The following ALDH4A1 variants were observed in gnomAD, a reference collection of about 807,000 sequenced individuals.
ALDH4A1 encodes aldehyde dehydrogenase 4 family member A1.
ALDH4A1 carries 46 observed loss-of-function variants against 70.5 expected under a neutral mutation model. The observed-to-expected ratio is 0.65, with a 90% confidence interval of 0.51 to 0.83. The LOEUF is 0.83. Among genes scored for constraint, ALDH4A1 ranks in the 40% least tolerant of loss-of-function variants. The pLI, the probability that ALDH4A1 is intolerant of heterozygous loss-of-function variation, is 0.00. For synonymous variants in ALDH4A1, 323 were observed against 324.3 expected (o/e 1.00, Z 0.04); for missense variants, 749 against 766.5 (o/e 0.98, Z 0.27).
At chr1:18,893,803 C>T (rs997210657) in intron 1 of ALDH4A1, among the ~76,000 whole-genome samples, 2 of 152,116 alleles carry the variant, frequency 1.3e-5, no homozygotes, top group Non-Finnish European at 2.9e-5. Flanking sequence ...TGTGCCCAGC[C>T]GGTAGCTTAT....
chr1:18,879,742 T>C (rs1016661869), intron 8 of ALDH4A1, among the ~76,000 whole-genome samples: 1 of 152,174 alleles, frequency 6.6e-6, no homozygotes, highest in Non-Finnish European at 1.5e-5. Flanking sequence ...GCTTAAGACA[T>C]GCTGGGCACA....
At position 18,880,287 on chromosome 1, in the gene ALDH4A1, A is replaced by G. The variant is rs1934917452; in HGVS notation, c.867-914T>C. On this transcript the variant is annotated intron_variant, in intron 8 of 14. Coordinates refer to ENST00000375341, the MANE Select transcript of ALDH4A1 (RefSeq NM_003748.4). The surrounding 1 kb of genome is among the most constrained non-coding windows in gnomAD (Gnocchi z 5.1). ...TGCCTCCAGGCATCTCCACCCAGAT[A>G]ACACCCGAAGTGACCAACAGGAGAT... 2.0e-5 allele frequency among the ~76,000 whole-genome samples: 3 copies of G among 152,088 alleles called. No individual in the cohort carries two copies. The South Asian group carries it at 6.2e-4, about 31-fold the overall frequency.
intron 9 of ALDH4A1, 70 bp downstream of exon 9, chr1:18,879,227 CCCT>C: frequency 6.9e-7 from 1 of 1,439,580 alleles, no homozygotes; most frequent in Non-Finnish European, 9.6e-7. Context: ...CCCTCTACCT[CCCT>C]CCTCTTTCAT....
At chr1:18,885,397 G>C in intron 5 of ALDH4A1, 76 bp downstream of exon 5, 1 of 1,433,682 alleles carries the variant, frequency 7.0e-7, no homozygotes, top group Non-Finnish European at 9.4e-7. Flanking sequence ...TTCAGCTGAT[G>C]TCTGCTGCCA....
rs775712414 is a variant in ALDH4A1, at chr1:18,881,789, GA to G, written c.776del (p.Ile259ThrfsTer75). On this transcript the variant is annotated frameshift_variant, in exon 8 of 15. Coordinates refer to ENST00000375341, the MANE Select transcript of ALDH4A1 (RefSeq NM_003748.4). LOFTEE classifies it high-confidence loss of function. Reference protein sequence around the residue: ...LREAGLPPNIIQFVPADGPLF... With the variant: ...LREAGLPPNIXQFVPADGPLF... ...GGGGCCCATCAGCTGGCACAAACTG[GA>G]TGATGTTGGGGGGCAGGCCAGCCTC... 3.7e-6 allele frequency: 6 copies of G among 1,614,070 alleles called. No homozygotes were observed. The highest frequency in any genetic ancestry group is 5.1e-6 in the Non-Finnish European group (6 of 1,180,044).
intron 5 of ALDH4A1, among the ~76,000 whole-genome samples, chr1:18,883,735 T>C (rs763911396): frequency 4.6e-5 from 7 of 152,196 alleles, no homozygotes; most frequent in Non-Finnish European, 1.0e-4. Context: ...TGAATGGTGG[T>C]GCATGGCAAA....
chr1:18,890,609 C>T lies in ALDH4A1; in HGVS notation c.63-504G>A, dbSNP rs76810956. The T allele has an allele frequency of 3.0e-5, 26 of 868,624 alleles. No individual in the cohort carries two copies. In the African/African-American group the frequency reaches 4.0e-4, roughly 13 times the overall value. 53.8% of individuals were successfully genotyped at this position (868,624 alleles called of 1,614,324 possible). On this transcript the variant is annotated intron_variant, in intron 1 of 14. Coordinates refer to ENST00000375341, the MANE Select transcript of ALDH4A1 (RefSeq NM_003748.4). ...ACCCAAGGTTCAAGTCCCAGTCCCACGGTTGTGTGTCCTTGAGCCTGTGAG... is the reference window on the plus strand; with the variant it reads ...ACCCAAGGTTCAAGTCCCAGTCCCATGGTTGTGTGTCCTTGAGCCTGTGAG...
rs78358613 is a variant in ALDH4A1, at chr1:18,888,008, T to C, written c.249+1354A>G. ...AGGGCTGGCAAGATAGTTTATATCGTAATAGCTGACACTTTTGCTACCTAT... is the reference window on the plus strand; with the variant it reads ...AGGGCTGGCAAGATAGTTTATATCGCAATAGCTGACACTTTTGCTACCTAT... On this transcript the variant is annotated intron_variant, in intron 3 of 14. Transcript: ENST00000375341. Among the ~76,000 whole-genome samples, 1,235 of 152,334 alleles carry C rather than the reference T, an allele frequency of 8.1e-3. 28 individuals are homozygous for C. Among genetic ancestry groups the C allele is most frequent in the African/African-American group, 0.028 (1,149 of 41,570 alleles).
intron 1 of ALDH4A1, among the ~76,000 whole-genome samples, chr1:18,894,679 G>A (rs561319538): frequency 1.4e-4 from 22 of 152,250 alleles, no homozygotes; most frequent in Admixed American, 1.2e-3. Context: ...GTGACCTCAG[G>A]ATCACATGCC....
At chr1:18,886,708 A>AAGGGAG (rs1935219283) in intron 3 of ALDH4A1, among the ~76,000 whole-genome samples, 197 bp from the exon 4 acceptor site, 1 of 152,084 alleles carries the variant, frequency 6.6e-6, no homozygotes, top group Non-Finnish European at 1.5e-5. Flanking sequence ...TACCCGCTAT[A>AAGGGAG]CCATGAGTAA....
chr1:18,874,742 G>A (rs1477509545), intron 13 of ALDH4A1, among the ~76,000 whole-genome samples, 161 bp from the exon 14 acceptor site: 1 of 152,226 alleles, frequency 6.6e-6, no homozygotes, highest in Non-Finnish European at 1.5e-5. Flanking sequence ...GTGGGCCTTC[G>A]GTCAGGTTAC....
At chr1:18,877,899 A>G (rs901160919) in intron 9 of ALDH4A1, among the ~76,000 whole-genome samples, 5 of 152,016 alleles carry the variant, frequency 3.3e-5, no homozygotes, top group Middle Eastern at 3.4e-3. Context: ...AACTGAAACT[A>G]CCCAACACAA....
rs71575901 is a variant in ALDH4A1 at position 18,880,023 on chromosome 1, C to CGCTGCTCTG, written c.867-651_867-650insCAGAGCAGC. Among the ~76,000 whole-genome samples the CGCTGCTCTG allele has an allele frequency of 0.25, 38,180 of 151,934 alleles. 5,399 individuals are homozygous for CGCTGCTCTG. Among genetic ancestry groups the CGCTGCTCTG allele is most frequent in the African/African-American group, 0.35 (14,603 of 41,422 alleles). ...TTTATGGCCTTCCCACCTTTAAGCC[C>CGCTGCTCTG]GCTGCTCATCAGAGCGTGGAGAATG... On this transcript the variant is annotated intron_variant, in intron 8 of 14. Transcript: ENST00000375341. The surrounding 1 kb of genome is among the most constrained non-coding windows in gnomAD (Gnocchi z 5.1).
intron 3 of ALDH4A1, among the ~76,000 whole-genome samples, chr1:18,887,662 C>T (rs1360862188): frequency 6.6e-6 from 1 of 152,174 alleles, no homozygotes; most frequent in Admixed American, 6.5e-5. Flanking sequence ...ACCACGATGA[C>T]ATCCCACCGG....
At chr1:18,896,986 C>T (rs1935639192) in intron 1 of ALDH4A1, 5 of 474,226 alleles carry the variant, frequency 1.1e-5, no homozygotes, top group Non-Finnish European at 2.2e-5. Context: ...CAAGCACTTG[C>T]CACCACATGC....
intron 5 of ALDH4A1, 46 bp downstream of exon 5, chr1:18,885,427 T>TACCACCCCCCCCCCCCCC: frequency 3.1e-6 from 2 of 650,922 alleles, no homozygotes; most frequent in Non-Finnish European, 5.4e-6. Context: ...CACACCTGAC[T>TACCACCCCCCCCCCCCCC]CCCACCCCAC....
Position 18,902,493 on chromosome 1 carries a change from C to T in ALDH4A1, c.31G>A (p.Ala11Thr). The T allele has an allele frequency of 2.0e-6, 3 of 1,477,534 alleles. No individual in the cohort carries two copies. The highest frequency in any genetic ancestry group is 1.4e-5 in the African/African-American group (1 of 69,942). The allele number at this position is 1,477,534 out of a possible 1,614,324, so 91.5% of individuals were successfully genotyped here. A position where few individuals can be genotyped will look rare whatever the true frequency, so the allele number is the denominator to read the frequency against. MLLPAPALRR[A>T]LLSRPWTGAG... ...CCGGTCCAGGGGCGGGACAGCAGGGCGCGGCGGAGCGCGGGCGCCGGCAGC... is the reference window on the plus strand; with the variant it reads ...CCGGTCCAGGGGCGGGACAGCAGGGTGCGGCGGAGCGCGGGCGCCGGCAGC... The change falls in exon 1 of 15, where the codon GCC becomes ACC. Residue 11 changes from alanine (A) to threonine (T), a missense_variant. Physicochemically the swap from Ala to Thr is moderately conservative, Grantham distance 58. Transcript: ENST00000375341.
At chr1:18,876,603 C>T in intron 11 of ALDH4A1, 136 bp from the exon 12 acceptor site, 2 of 1,009,756 alleles carry the variant, frequency 2.0e-6, no homozygotes, top group Non-Finnish European at 2.8e-6. Flanking sequence ...TAGGGGACGC[C>T]AAGGGCAAAA....
intron 14 of ALDH4A1, 79 bp downstream of exon 14, chr1:18,874,384 T>C (rs762814348): frequency 9.7e-6 from 13 of 1,345,222 alleles, no homozygotes; most frequent in Non-Finnish European, 1.4e-5. Context: ...TTCCTATTAC[T>C]CTGAAGCCCC....
Sources: allele counts gnomAD v4.1 joint callset (sites outside exome capture counted in the v4.1 genomes callset), GRCh38; gene constraint gnomAD v4.1.1; non-coding constraint Gnocchi (gnomAD v3.1); transcripts MANE v1.5; gene names NCBI Gene and HGNC (gene_info 2026-07-23, HGNC 2026-07-21).